CNTNAP5: variants seen among roughly 807,000 people sequenced by gnomAD.
CNTNAP5 encodes contactin associated protein family member 5.
CNTNAP5 carries 72 observed loss-of-function variants against 150.2 expected under a neutral mutation model. The observed-to-expected ratio is 0.48, with a 90% CI of 0.40 to 0.58. The LOEUF (loss-of-function observed/expected upper bound fraction) is 0.58, where lower values mean the gene tolerates loss of function less well. Ranked by LOEUF, CNTNAP5 falls within the 20% of genes least tolerant of loss-of-function variation. The pLI, the probability that CNTNAP5 is intolerant of heterozygous loss-of-function variation, is 0.00. For synonymous variants in CNTNAP5, 672 were observed against 619.8 expected (o/e 1.08, Z -1.25); for missense variants, 1,636 against 1,626.2 (o/e 1.01, Z -0.10).
At chr2:124,560,794 C>T (rs77707860) in intron 10 of CNTNAP5, among the ~76,000 whole-genome samples, 2,471 of 152,118 alleles carry the variant, frequency 0.016, 67 homozygotes, top group African/African-American at 0.056. Context: ...TGGCATCCCC[C>T]TTTTTTGCTG....
rs1684478708 is a variant in CNTNAP5 at position 124,154,476 on chromosome 2, T to A, written c.83-67229T>A. On this transcript the variant is annotated intron_variant, in intron 1 of 23. Coordinates refer to ENST00000682447, the MANE Select transcript of CNTNAP5 (RefSeq NM_001367498.1). Reference sequence around the variant, plus strand: ...GTGTACAACACCTCACAATTACACCTCCCCTCCCCCGAGGTGCAGAAGTTC... The same window carrying A: ...GTGTACAACACCTCACAATTACACCACCCCTCCCCCGAGGTGCAGAAGTTC... 2.0e-5 allele frequency among the ~76,000 whole-genome samples: 3 copies of A among 151,902 alleles called. No individual in the cohort carries two copies. The South Asian group carries it at 6.2e-4, about 32-fold the overall frequency.
At chr2:124,119,965 T>G (rs573929568) in intron 1 of CNTNAP5, among the ~76,000 whole-genome samples, 1 of 152,170 alleles carries the variant, frequency 6.6e-6, no homozygotes, top group South Asian at 2.1e-4. Flanking sequence ...ACCTAAAAAG[T>G]GCTCTTATGA....
intron 10 of CNTNAP5, among the ~76,000 whole-genome samples, chr2:124,547,753 G>A (rs1316526145): frequency 6.6e-6 from 1 of 152,192 alleles, no homozygotes; most frequent in East Asian, 1.9e-4. Flanking sequence ...GAAGCCTTAG[G>A]CTGCAGGATT....
intron 1 of CNTNAP5, among the ~76,000 whole-genome samples, chr2:124,188,309 T>C (rs1685378791): frequency 6.6e-6 from 1 of 152,216 alleles, no homozygotes; most frequent in Non-Finnish European, 1.5e-5. Context: ...TCCCCAAATA[T>C]ATTTGTTTAC....
intron 3 of CNTNAP5, among the ~76,000 whole-genome samples, chr2:124,275,333 T>C (rs1024954759): frequency 1.2e-4 from 18 of 151,940 alleles, no homozygotes; most frequent in Non-Finnish European, 2.4e-4. Flanking sequence ...TGAGGTTGAG[T>C]TTCTAAATCT....
chr2:124,169,339 A>G (rs1358671), intron 1 of CNTNAP5, among the ~76,000 whole-genome samples: 147,291 of 152,114 alleles, frequency 0.97, 71,495 homozygotes, highest in East Asian at 1. Flanking sequence ...CTCAAAGGAC[A>G]AATGGACAAA....
chr2:124,209,877 C>T (rs923248750), intron 1 of CNTNAP5, among the ~76,000 whole-genome samples: 3 of 152,136 alleles, frequency 2.0e-5, no homozygotes, highest in Non-Finnish European at 2.9e-5. Flanking sequence ...ATTTACATCC[C>T]GTGCAGTAAG....
chr2:124,467,804 A>T (rs189425183), intron 6 of CNTNAP5, among the ~76,000 whole-genome samples: 1 of 152,300 alleles, frequency 6.6e-6, no homozygotes, highest in African/African-American at 2.4e-5. Context: ...AAATGCACAT[A>T]AAAACGGTTT....
intron 1 of CNTNAP5, among the ~76,000 whole-genome samples, chr2:124,139,965 T>G (rs1436042544): frequency 6.6e-6 from 1 of 152,152 alleles, no homozygotes; most frequent in East Asian, 1.9e-4. Flanking sequence ...GGCGAGGCAT[T>G]GCCTCACTCG....
intron 3 of CNTNAP5, among the ~76,000 whole-genome samples, chr2:124,390,807 T>A (rs1356004837): frequency 6.6e-6 from 1 of 152,238 alleles, no homozygotes; most frequent in Non-Finnish European, 1.5e-5. Context: ...GTGCATACAC[T>A]GTGTGATACA....
intron 21 of CNTNAP5, among the ~76,000 whole-genome samples, chr2:124,874,287 A>C (rs1035610010): frequency 6.6e-6 from 1 of 152,048 alleles, no homozygotes; most frequent in African/African-American, 2.4e-5. Context: ...AGAGAGAGAG[A>C]GCACATATTT....
intron 1 of CNTNAP5, among the ~76,000 whole-genome samples, chr2:124,108,145 T>C (rs1683208712): frequency 1.3e-5 from 2 of 152,216 alleles, no homozygotes; most frequent in Non-Finnish European, 1.5e-5. Flanking sequence ...TGGTTTACAT[T>C]GCCAGGGTGA....
At chr2:124,656,020 A>G (rs547234089) in intron 13 of CNTNAP5, among the ~76,000 whole-genome samples, 7 of 146,314 alleles carry the variant, frequency 4.8e-5, no homozygotes, top group Admixed American at 1.4e-4. Context: ...GGAAGGAAGG[A>G]AGGGAGGGCA....
At chr2:124,590,530 C>T (rs772854565) in intron 11 of CNTNAP5, among the ~76,000 whole-genome samples, 1 of 152,146 alleles carries the variant, frequency 6.6e-6, no homozygotes, top group Non-Finnish European at 1.5e-5. Context: ...GGCAAAGTCC[C>T]TCAAACCTAC....
chr2:124,445,936 A>G (rs568018966), intron 5 of CNTNAP5, among the ~76,000 whole-genome samples: 64 of 152,272 alleles, frequency 4.2e-4, no homozygotes, highest in Non-Finnish European at 8.4e-4. Flanking sequence ...AGGGACTTCC[A>G]TAAAATTGAG....
chr2:124,094,654 A>G (rs1178075266), intron 1 of CNTNAP5, among the ~76,000 whole-genome samples: 1 of 152,314 alleles, frequency 6.6e-6, no homozygotes, highest in Non-Finnish European at 1.5e-5. Context: ...TGCTGTATAG[A>G]GGCAAAATAT....
intron 5 of CNTNAP5, among the ~76,000 whole-genome samples, chr2:124,435,570 A>G (rs1179460609): frequency 6.6e-6 from 1 of 152,202 alleles, no homozygotes; most frequent in Non-Finnish European, 1.5e-5. Context: ...CTCCCATCTG[A>G]TATTTACTAA....
chr2:124,337,409 TG>T (rs1689501040), intron 3 of CNTNAP5, among the ~76,000 whole-genome samples: 2 of 152,212 alleles, frequency 1.3e-5, no homozygotes, highest in Non-Finnish European at 1.5e-5. Flanking sequence ...TGGCTTTTGT[TG>T]CCATTGCTTT....
At chr2:124,700,018 C>A (rs886385335) in intron 13 of CNTNAP5, among the ~76,000 whole-genome samples, 4 of 152,156 alleles carry the variant, frequency 2.6e-5, no homozygotes, top group Non-Finnish European at 4.4e-5. Flanking sequence ...ATTCTCTTCT[C>A]CTCTAAGCCT....
Sources: gnomAD v4.1 joint callset for allele counts (sites outside exome capture counted in the v4.1 genomes callset) on GRCh38, gnomAD v4.1.1 for gene constraint, MANE v1.5 for transcripts, NCBI Gene and HGNC (gene_info 2026-07-23, HGNC 2026-07-21) for gene names.